B3GALT1: variants seen among roughly 807,000 people sequenced by gnomAD.
B3GALT1 encodes the protein UDP-Gal:betaGlcNAc beta 1,3-galactosyltransferase, polypeptide 1.
In B3GALT1, 10 loss-of-function variants were observed where a neutral mutation model predicts 23.2. The observed-to-expected ratio is 0.43, with a 90% CI of 0.27 to 0.73. The LOEUF (loss-of-function observed/expected upper bound fraction) is 0.73. Among genes scored for constraint, B3GALT1 ranks in the 30% least tolerant of loss-of-function variants. The pLI, the probability that B3GALT1 is intolerant of heterozygous loss-of-function variation, is 0.21. For synonymous variants in B3GALT1, 156 were observed against 141.5 expected (o/e 1.10, Z -0.73); for missense variants, 299 against 405.4 (o/e 0.74, Z 2.25).
At chr2:167,618,513 A>G (rs1487857890) in intron 2 of B3GALT1, among the ~76,000 whole-genome samples, 1 of 152,028 alleles carries the variant, frequency 6.6e-6, no homozygotes, top group African/African-American at 2.4e-5. Context: ...TAACCACAAA[A>G]CCATGATCAA....
At chr2:167,356,588 CT>C (rs1697415939) in intron 1 of B3GALT1, among the ~76,000 whole-genome samples, 1 of 152,034 alleles carries the variant, frequency 6.6e-6, no homozygotes, top group Admixed American at 6.5e-5. Context: ...ATAAAGCTAG[CT>C]GCAAATCCTT....
intron 3 of B3GALT1, among the ~76,000 whole-genome samples, chr2:167,686,900 C>T (rs558905641): frequency 2.6e-5 from 4 of 152,280 alleles, no homozygotes; most frequent in South Asian, 2.1e-4. Flanking sequence ...ATTCCTGTAA[C>T]GCGGACAGTC....
At chr2:167,806,244 TTTCTA>T (rs1688750391) in intron 3 of B3GALT1, among the ~76,000 whole-genome samples, 1 of 152,208 alleles carries the variant, frequency 6.6e-6, no homozygotes, top group Admixed American at 6.5e-5. Context: ...ATGATGGGGT[TTTCTA>T]GACATACAAT....
At chr2:167,681,258 A>AT (rs943054827) in intron 3 of B3GALT1, among the ~76,000 whole-genome samples, 6 of 152,160 alleles carry the variant, frequency 3.9e-5, no homozygotes, top group Non-Finnish European at 5.9e-5. Context: ...ATATATATAT[A>AT]TTTTTTTAAT....
At chr2:167,360,302 G>A (rs1393140204) in intron 1 of B3GALT1, among the ~76,000 whole-genome samples, 1 of 152,160 alleles carries the variant, frequency 6.6e-6, no homozygotes, top group Non-Finnish European at 1.5e-5. Flanking sequence ...TTCTGCTATT[G>A]ATAGTAGTGG....
At chr2:167,322,141 C>G (rs1465898601) in intron 1 of B3GALT1, among the ~76,000 whole-genome samples, 2 of 151,796 alleles carry the variant, frequency 1.3e-5, no homozygotes, top group African/African-American at 2.4e-5. Context: ...AACATATAAA[C>G]AAATTAATTT....
intron 1 of B3GALT1, among the ~76,000 whole-genome samples, chr2:167,410,423 G>A (rs1055865700): frequency 4.0e-5 from 6 of 151,374 alleles, no homozygotes; most frequent in African/African-American, 1.2e-4. Flanking sequence ...CCTGGGAGGC[G>A]GAGCTTGCAG....
chr2:167,829,918 A>G (rs1260937092), intron 4 of B3GALT1, among the ~76,000 whole-genome samples: 2 of 152,220 alleles, frequency 1.3e-5, no homozygotes, highest in Non-Finnish European at 2.9e-5. Flanking sequence ...TCTGAGGAGA[A>G]AATGGAAAGG....
intron 2 of B3GALT1, among the ~76,000 whole-genome samples, chr2:167,619,708 G>A (rs1314707599): frequency 2.6e-5 from 4 of 152,062 alleles, no homozygotes; most frequent in Non-Finnish European, 4.4e-5. Flanking sequence ...AATATAAATG[G>A]TTTAAGTCTC....
chr2:167,756,738 C>A (rs143048644), intron 3 of B3GALT1, among the ~76,000 whole-genome samples: 36 of 152,250 alleles, frequency 2.4e-4, no homozygotes, highest in African/African-American at 8.7e-4. Context: ...ATAATCACTG[C>A]AGGAGAAGAA....
At chr2:167,545,054 T>G (rs1460760348) in intron 2 of B3GALT1, among the ~76,000 whole-genome samples, 2 of 120,016 alleles carry the variant, frequency 1.7e-5, no homozygotes, top group Non-Finnish European at 3.3e-5. Context: ...TTTTTTTTTT[T>G]GAGACAGTCT....
At chr2:167,650,275 G>A (rs1685837853) in intron 3 of B3GALT1, among the ~76,000 whole-genome samples, 1 of 148,400 alleles carries the variant, frequency 6.7e-6, no homozygotes, top group African/African-American at 2.5e-5. Flanking sequence ...AAATGCAAGG[G>A]TGGTTCAACA....
rs1272932450 is a variant in B3GALT1 at position 167,869,336 on chromosome 2, G to A, written c.297G>A (p.Glu99=). The A allele has an allele frequency of 6.2e-7, 1 of 1,614,124 alleles. No individual in the cohort carries two copies. The highest frequency in any genetic ancestry group is 8.5e-7 in the Non-Finnish European group (1 of 1,180,022). The change falls in exon 5 of 5, where the codon GAG becomes GAA. Residue 99 remains glutamate, a synonymous_variant. Transcript: ENST00000392690. The surrounding 1 kb of genome is among the most constrained non-coding windows in gnomAD (Gnocchi z 6.4). ...TTGATGCCCGTCAGGCAATCAGAGAGACGTGGGGGGATGAGAACAACTTTA... is the reference window on the plus strand; with the variant it reads ...TTGATGCCCGTCAGGCAATCAGAGAAACGTGGGGGGATGAGAACAACTTTA... ...KEFDARQAIR[E]TWGDENNFKG...
At chr2:167,621,071 C>G (rs1309036219) in intron 2 of B3GALT1, among the ~76,000 whole-genome samples, 1 of 134,072 alleles carries the variant, frequency 7.5e-6, no homozygotes, top group Non-Finnish European at 1.6e-5. Context: ...AAGTTCCCAT[C>G]TTTTATATTT....
intron 2 of B3GALT1, among the ~76,000 whole-genome samples, chr2:167,641,255 G>A (rs1346643158): frequency 6.6e-6 from 1 of 152,118 alleles, no homozygotes; most frequent in Non-Finnish European, 1.5e-5. Flanking sequence ...TGTTTTACAT[G>A]TCTATACCTG....
chr2:167,643,210 C>G (rs952794445), intron 2 of B3GALT1, among the ~76,000 whole-genome samples: 1 of 152,132 alleles, frequency 6.6e-6, no homozygotes, highest in Non-Finnish European at 1.5e-5. Flanking sequence ...TTTGAGTTTA[C>G]CTACATTAAG....
intron 3 of B3GALT1, among the ~76,000 whole-genome samples, chr2:167,705,727 G>C (rs1296902947): frequency 6.6e-6 from 1 of 152,154 alleles, no homozygotes; most frequent in African/African-American, 2.4e-5. Flanking sequence ...TTGGCTCTAG[G>C]CAGTTTTCAG....
At chr2:167,653,363 A>G (rs1223996795) in intron 3 of B3GALT1, among the ~76,000 whole-genome samples, 2 of 152,180 alleles carry the variant, frequency 1.3e-5, no homozygotes, top group African/African-American at 4.8e-5. Context: ...TATATATAGC[A>G]GTTTTAAAAC....
intron 3 of B3GALT1, among the ~76,000 whole-genome samples, chr2:167,652,965 C>T (rs73015491): frequency 0.042 from 6,429 of 152,048 alleles, 494 homozygotes; most frequent in African/African-American, 0.15. Flanking sequence ...TGTGTACATA[C>T]GTGTGTGTCT....
Sources: allele counts gnomAD v4.1 joint callset (sites outside exome capture counted in the v4.1 genomes callset), GRCh38; gene constraint gnomAD v4.1.1; non-coding constraint Gnocchi (gnomAD v3.1); transcripts MANE v1.5; gene names NCBI Gene and HGNC (gene_info 2026-07-23, HGNC 2026-07-21).